The following SLC41A3 variants were observed in gnomAD, a reference collection of about 807,000 sequenced individuals.
The protein encoded by SLC41A3 is SLC41A1-like 2.
A neutral mutation model predicts 45.4 loss-of-function variants in SLC41A3; 44 were observed. The ratio of observed to expected loss-of-function variants is 0.97; its 90% CI spans 0.76 to 1.25. The LOEUF (loss-of-function observed/expected upper bound fraction) is 1.25. Ranked by LOEUF, SLC41A3 falls within the 50% of genes most tolerant of loss-of-function variation. The probability of loss-of-function intolerance (pLI) is 0.00; values close to 1 mark genes in which losing one functional copy is unlikely to be tolerated. For missense variants in SLC41A3, 550 were observed against 600.6 expected (o/e 0.92, Z 0.88); for synonymous variants, 256 against 252.4 (o/e 1.01, Z -0.13).
intron 10 of SLC41A3, among the ~76,000 whole-genome samples, chr3:126,008,428 T>C (rs1010951782): frequency 6.8e-6 from 1 of 148,014 alleles, no homozygotes; most frequent in Non-Finnish European, 1.5e-5. Context: ...TGTTGTGGAG[T>C]GTGTGGTGTG....
chr3:126,031,889 T>C (rs754748177), intron 4 of SLC41A3, among the ~76,000 whole-genome samples: 10 of 152,220 alleles, frequency 6.6e-5, no homozygotes, highest in Non-Finnish European at 1.3e-4. Flanking sequence ...CCACAGGACA[T>C]GGTGCTAGCC....
At chr3:126,073,663 T>G (rs1477819412) in intron 1 of SLC41A3, among the ~76,000 whole-genome samples, 1 of 152,108 alleles carries the variant, frequency 6.6e-6, no homozygotes, top group Non-Finnish European at 1.5e-5. Context: ...CTAGTAATAC[T>G]GACTCGTGAA....
intron 4 of SLC41A3, among the ~76,000 whole-genome samples, chr3:126,032,056 G>A (rs1576263783): frequency 6.6e-6 from 1 of 152,158 alleles, no homozygotes; most frequent in East Asian, 1.9e-4. Flanking sequence ...AGCCTTTAAC[G>A]AACTTCACTG....
At chr3:126,089,199 A>C (rs1289576573), upstream of SLC41A3, among the ~76,000 whole-genome samples, 2 of 152,204 alleles carry the variant, frequency 1.3e-5, no homozygotes, top group Non-Finnish European at 2.9e-5. Context: ...CCCCTCCCAC[A>C]GAATCATAAC....
At chr3:126,023,977 T>TCA (rs1941133413) in intron 5 of SLC41A3, 1 of 152,226 alleles carries the variant, frequency 6.6e-6, no homozygotes, top group Admixed American at 6.5e-5. Context: ...TGTGAACAAG[T>TCA]CACAGCCCTG....
rs537220282 is a variant in SLC41A3, at chr3:126,095,812, G to A, written c.-79+5617C>T. Among the ~76,000 whole-genome samples, 166 of 152,318 alleles carry A rather than the reference G, an allele frequency of 1.1e-3. 1 individual carries two copies. The highest frequency in any genetic ancestry group is 8.3e-3 in the South Asian group (40 of 4,816). On this transcript the variant is annotated intron_variant, in intron 1 of 9. Transcript: ENST00000508835. ...CCTAAGGGGATATTTAGCTTGAATT[G>A]CACCTCTGAGTCTGCATGCCATGGC...
chr3:126,055,698 T>C (rs949648239), intron 2 of SLC41A3, among the ~76,000 whole-genome samples: 4 of 152,062 alleles, frequency 2.6e-5, no homozygotes, highest in East Asian at 1.9e-4. Context: ...AGTTGACAGA[T>C]AGCACAAACC....
chr3:126,029,497 G>T (rs1039767569), intron 4 of SLC41A3, among the ~76,000 whole-genome samples: 1 of 152,006 alleles, frequency 6.6e-6, no homozygotes, highest in African/African-American at 2.4e-5. Context: ...CATGCTTCCT[G>T]TACAGCCTGT....
intron 3 of SLC41A3, among the ~76,000 whole-genome samples, chr3:126,034,214 A>T (rs953993372): frequency 1.3e-5 from 2 of 152,218 alleles, no homozygotes; most frequent in African/African-American, 4.8e-5. Flanking sequence ...CACCTTGGCA[A>T]AATCATCCCA....
Position 126,029,370 on chromosome 3 carries a change from T to A in SLC41A3, c.454-2891A>T, listed in dbSNP as rs7623362. Among the ~76,000 whole-genome samples the A allele has an allele frequency of 9.3e-5, 14 of 150,966 alleles. No homozygotes were observed. In the East Asian group the frequency reaches 2.5e-3, roughly 27 times the overall value. ...TCCTTTAGAAGTATGTGGCACTCCC[T>A]CCCCCACCACTCTCTTGCTCATTCT... On this transcript the variant is annotated intron_variant, in intron 4 of 10. Transcript: ENST00000360370.
At chr3:126,059,799 A>G (rs1018989996) in intron 2 of SLC41A3, among the ~76,000 whole-genome samples, 5 of 152,208 alleles carry the variant, frequency 3.3e-5, no homozygotes, top group African/African-American at 9.6e-5. Flanking sequence ...TTAAAGACAG[A>G]GTCCTCTGTC....
chr3:126,044,102 C>T (rs184181220), intron 3 of SLC41A3, among the ~76,000 whole-genome samples: 20 of 152,234 alleles, frequency 1.3e-4, no homozygotes, highest in Non-Finnish European at 1.0e-4. Flanking sequence ...TGAAAAGATG[C>T]TATAAGATAT....
At chr3:126,097,110 T>A (rs1945619120) in intron 1 of SLC41A3, among the ~76,000 whole-genome samples, 1 of 152,236 alleles carries the variant, frequency 6.6e-6, no homozygotes, top group Non-Finnish European at 1.5e-5. Flanking sequence ...AGGACTTTTA[T>A]AAGCTCCCTT....
chr3:126,035,722 T>G (rs1288506049), intron 3 of SLC41A3, among the ~76,000 whole-genome samples: 1 of 152,182 alleles, frequency 6.6e-6, no homozygotes, highest in African/African-American at 2.4e-5. Flanking sequence ...GGATTTCCAG[T>G]AAACCGGCTT....
At chr3:126,079,028 G>A (rs967040175) in intron 1 of SLC41A3, 14 of 152,186 alleles carry the variant, frequency 9.2e-5, no homozygotes, top group Admixed American at 2.6e-4. Context: ...GTGGTCACCC[G>A]AGCAATGCTA....
intron 9 of SLC41A3, 130 bp downstream of exon 9, chr3:126,012,485 G>T: frequency 8.2e-7 from 1 of 1,225,232 alleles, no homozygotes; most frequent in Non-Finnish European, 1.2e-6. Flanking sequence ...CTGGGGCCCT[G>T]AAGGTGATGT....
At chr3:126,023,291 C>A (rs528032828) in intron 5 of SLC41A3, 3 of 195,360 alleles carry the variant, frequency 1.5e-5, no homozygotes, top group Non-Finnish European at 3.1e-5. Context: ...CAAAGATGCT[C>A]GGAGCAATGG....
chr3:126,054,881 G>A (rs1943560496), intron 2 of SLC41A3, among the ~76,000 whole-genome samples: 1 of 152,154 alleles, frequency 6.6e-6, no homozygotes, highest in South Asian at 2.1e-4. Flanking sequence ...GAGGCTATTG[G>A]GGGAACAAGT....
At chr3:126,088,950 G>A (rs1269155427), upstream of SLC41A3, among the ~76,000 whole-genome samples, 1 of 152,194 alleles carries the variant, frequency 6.6e-6, no homozygotes, top group East Asian at 1.9e-4. Flanking sequence ...TGAGAGAACA[G>A]TTAGTCTAGT....
Sources: gnomAD v4.1 joint callset for allele counts (sites outside exome capture counted in the v4.1 genomes callset) on GRCh38, gnomAD v4.1.1 for gene constraint, MANE v1.5 for transcripts, NCBI Gene and HGNC (gene_info 2026-07-23, HGNC 2026-07-21) for gene names.